The following DAPK2 variants were observed in gnomAD, a reference collection of about 807,000 sequenced individuals.
DAPK2 encodes death associated protein kinase 2.
Under a neutral mutation model 44.1 loss-of-function variants are expected in DAPK2, and 35 were observed. The ratio of observed to expected loss-of-function variants is 0.79; its 90% CI spans 0.61 to 1.05. DAPK2 has a LOEUF of 1.05. Among genes scored for constraint, DAPK2 ranks in the 50% least tolerant of loss-of-function variants. DAPK2 has a pLI of 0.00. For missense variants in DAPK2, 453 were observed against 483.2 expected (o/e 0.94, Z 0.59); for synonymous variants, 174 against 182.6 (o/e 0.95, Z 0.38).
intron 1 of DAPK2, among the ~76,000 whole-genome samples, chr15:63,996,243 G>A (rs1006852309): frequency 3.9e-5 from 6 of 152,130 alleles, no homozygotes; most frequent in Non-Finnish European, 8.8e-5. Flanking sequence ...AGACCAGCCA[G>A]GGCAACACAG....
chr15:63,965,569 C>T (rs1253175786), intron 3 of DAPK2, among the ~76,000 whole-genome samples: 1 of 152,228 alleles, frequency 6.6e-6, no homozygotes, highest in Non-Finnish European at 1.5e-5. Context: ...TTGGGTGGTC[C>T]AGAGATGCCA....
At chr15:64,016,850 A>AAGGAAGGAC in intron 1 of DAPK2, among the ~76,000 whole-genome samples, 1 of 33,536 alleles carries the variant, frequency 3.0e-5, no homozygotes, top group African/African-American at 1.2e-4. Flanking sequence ...GAAGGAAGGA[A>AAGGAAGGAC]GGAAGGAAGG....
intron 3 of DAPK2, among the ~76,000 whole-genome samples, chr15:63,943,690 T>C (rs987181450): frequency 6.8e-6 from 1 of 146,930 alleles, no homozygotes; most frequent in Admixed American, 6.9e-5. Context: ...CTGGTCAACA[T>C]GGTGAAACCC....
chr15:63,959,751 G>A (rs1353300444), intron 3 of DAPK2, among the ~76,000 whole-genome samples: 1 of 152,180 alleles, frequency 6.6e-6, no homozygotes, highest in Non-Finnish European at 1.5e-5. Flanking sequence ...GCTGGATTTG[G>A]TTTGCCAGTA....
intron 1 of DAPK2, among the ~76,000 whole-genome samples, chr15:63,988,389 C>T (rs2078721979): frequency 6.6e-6 from 1 of 152,148 alleles, no homozygotes; most frequent in Non-Finnish European, 1.5e-5. Context: ...GGCTTAATCC[C>T]CACCCCCCAA....
At chr15:64,023,195 G>C (rs2079741950) in intron 1 of DAPK2, among the ~76,000 whole-genome samples, 1 of 152,206 alleles carries the variant, frequency 6.6e-6, no homozygotes, top group Non-Finnish European at 1.5e-5. Flanking sequence ...TCCACAACAT[G>C]CTGTGGGAAC....
At chr15:64,040,072 C>A in intron 1 of DAPK2, 98 bp downstream of exon 2, 1 of 916,186 alleles carries the variant, frequency 1.1e-6, no homozygotes, top group South Asian at 1.4e-5. Context: ...TCCCACTGGT[C>A]CTGTGGCCCT....
At position 64,013,438 on chromosome 15, in the gene DAPK2, T is replaced by C. The variant is rs893180597; in HGVS notation, c.92+26732A>G. On this transcript the variant is annotated intron_variant, in intron 1 of 10. Coordinates refer to ENST00000261891, the Ensembl canonical transcript of DAPK2. The surrounding 1 kb of genome is among the most constrained non-coding windows in gnomAD (Gnocchi z 4.7). ...AAGACTTAGTAATTGGGCAGAAAAG[T>C]GAAACCAGGAGAGAAGCTTTCAACA... 1.2e-4 allele frequency among the ~76,000 whole-genome samples: 19 copies of C among 152,300 alleles called. No individual in the cohort carries two copies. The highest frequency in any genetic ancestry group is 4.6e-4 in the African/African-American group (19 of 41,554).
Position 63,923,024 on chromosome 15 carries a change from C to A in DAPK2, c.858+1792G>T, listed in dbSNP as rs1165916607. ...CAGCTTCTTCAATGACTCCACCTTG[C>A]GGAACTCATACCTGAGCTGGGACAG... On this transcript the variant is annotated intron_variant, in intron 8 of 10. Coordinates refer to ENST00000261891, the Ensembl canonical transcript of DAPK2. This position sits in a 1 kb window ranked among gnomAD's most constrained non-coding sequence, Gnocchi z 4.2. 9 of 1,535,732 alleles carry A rather than the reference C, an allele frequency of 5.9e-6. No individual in the cohort carries two copies. The Admixed American group carries it at 1.4e-4, about 23-fold the overall frequency.
chr15:63,936,618 T>A (rs56688253), intron 4 of DAPK2, among the ~76,000 whole-genome samples: 3,214 of 150,866 alleles, frequency 0.021, 108 homozygotes, highest in African/African-American at 0.074. Context: ...AATAAATAAA[T>A]AAAAATAAAG....
chr15:64,044,074 T>C (rs900607434), upstream of DAPK2, among the ~76,000 whole-genome samples: 7 of 152,180 alleles, frequency 4.6e-5, no homozygotes, highest in African/African-American at 1.7e-4. Flanking sequence ...AGTGGAATTA[T>C]AGTCACCAGC....
At chr15:64,003,556 T>C (rs1347682862) in intron 1 of DAPK2, among the ~76,000 whole-genome samples, 1 of 152,172 alleles carries the variant, frequency 6.6e-6, no homozygotes, top group African/African-American at 2.4e-5. Flanking sequence ...AGTCATCCTG[T>C]CTTGGGTCTT....
chr15:64,008,962 CAT>C (rs1428715656), intron 1 of DAPK2, among the ~76,000 whole-genome samples: 4 of 152,160 alleles, frequency 2.6e-5, no homozygotes, highest in African/African-American at 9.7e-5. Context: ...AGTCTGCAAA[CAT>C]AAGACCTCTT....
At chr15:64,026,780 A>G (rs1409724182) in intron 1 of DAPK2, among the ~76,000 whole-genome samples, 1 of 152,200 alleles carries the variant, frequency 6.6e-6, no homozygotes, top group East Asian at 1.9e-4. Context: ...TCTATTTCTC[A>G]GAGAAGGAAA....
At chr15:64,007,862 C>T (rs1443390093) in intron 1 of DAPK2, among the ~76,000 whole-genome samples, 1 of 152,172 alleles carries the variant, frequency 6.6e-6, no homozygotes. Context: ...AGTACTGATC[C>T]ATGCTATATC....
In DAPK2 at chr15:63,912,895, C is replaced by T. The variant is rs116279172; in HGVS notation, c.859-698G>A. 2.3e-3 allele frequency among the ~76,000 whole-genome samples: 349 copies of T among 152,280 alleles called. 1 individual carries two copies. The highest frequency in any genetic ancestry group is 8.0e-3 in the African/African-American group (333 of 41,556). On this transcript the variant is annotated intron_variant, in intron 8 of 10. Transcript: ENST00000261891. The surrounding 1 kb of genome is among the most constrained non-coding windows in gnomAD (Gnocchi z 4.4). The stretch of plus-strand genomic sequence containing the variant: ...TTATTGTGAGCTTTCCTGCGTTCTC[C>T]ATTCCCTTTTCAACACCCCCCTTTT...
intron 2 of DAPK2, among the ~76,000 whole-genome samples, chr15:63,981,186 G>T (rs991268379): frequency 6.6e-6 from 1 of 151,884 alleles, no homozygotes. Flanking sequence ...GGTTACATGG[G>T]TGGGACTGGT....
At chr15:63,918,651 C>G (rs2078992937) in intron 8 of DAPK2, 1 of 152,404 alleles carries the variant, frequency 6.6e-6, no homozygotes, top group African/African-American at 2.4e-5. Context: ...CGAGACCAGC[C>G]TGACCAATGT....
In DAPK2 at chr15:63,912,021, G is replaced by A. The variant is rs79693133; in HGVS notation, c.949-30C>T. ...GGGAGGCAGAGGAAAGGAATCCCCA[G>A]GTGAGAATGTGCATGGAGACCCTGG... On this transcript the variant is annotated intron_variant, in intron 9 of 10. Transcript: ENST00000261891. This position sits in a 1 kb window ranked among gnomAD's most constrained non-coding sequence, Gnocchi z 4.4. 9.4e-3 allele frequency: 15,103 copies of A among 1,610,140 alleles called. 887 individuals are homozygous for A. In the African/African-American group the frequency reaches 0.15, roughly 16 times the overall value.
Sources: allele counts gnomAD v4.1 joint callset (sites outside exome capture counted in the v4.1 genomes callset), GRCh38; gene constraint gnomAD v4.1.1; non-coding constraint Gnocchi (gnomAD v3.1); transcripts MANE v1.5; gene names NCBI Gene and HGNC (gene_info 2026-07-23, HGNC 2026-07-21).